The following KLHL28 variants were observed in gnomAD, a reference collection of about 807,000 sequenced individuals.
KLHL28 encodes the protein kelch like family member 28.
A neutral mutation model predicts 48.3 loss-of-function variants in KLHL28; 22 were observed. That is an observed-to-expected ratio of 0.46 (90% confidence interval 0.33 to 0.65). KLHL28 has a LOEUF of 0.65. Ranked by LOEUF, KLHL28 falls within the 30% of genes least tolerant of loss-of-function variation. The probability of loss-of-function intolerance (pLI) is 0.03; values close to 1 mark genes in which losing one functional copy is unlikely to be tolerated. For missense variants in KLHL28, 527 were observed against 704.3 expected, an observed-to-expected ratio of 0.75 and a Z score of 2.85; for synonymous variants, 243 against 242.4, an observed-to-expected ratio of 1.00 and a Z score of -0.02.
rs1012912084 is a variant in KLHL28, at chr14:44,926,509, T to C, written c.*2519A>G. 6.6e-6 allele frequency: 1 copy of C among 152,172 alleles called. No homozygotes were observed. Among genetic ancestry groups the C allele is most frequent in the East Asian group, 1.9e-4 (1 of 5,208 alleles). 9.4% of individuals were successfully genotyped at this position (152,172 alleles called of 1,614,324 possible). ...AGAATAGATGTGTTTATAATTAAAA[T>C]CTTTTTTTTTTTTTGAGGTGGAGTT... is the stretch of plus-strand genomic sequence containing the variant. On this transcript the variant is annotated 3_prime_UTR_variant, in exon 5 of 5. Coordinates refer to ENST00000396128, the MANE Select transcript of KLHL28 (RefSeq NM_017658.5).
At chr14:44,956,129 T>C (rs1475528968) in intron 1 of KLHL28, among the ~76,000 whole-genome samples, 1 of 152,152 alleles carries the variant, frequency 6.6e-6, no homozygotes. Context: ...TGAGTTTTTT[T>C]GTTTTTGTTT....
chr14:44,954,617 C>T (rs1318917478), intron 1 of KLHL28, among the ~76,000 whole-genome samples: 1 of 151,924 alleles, frequency 6.6e-6, no homozygotes, highest in East Asian at 1.9e-4. Context: ...GGGAAGATTA[C>T]AAACATACAT....
chr14:44,931,628 A>G, intron 3 of KLHL28, 87 bp from the exon 4 acceptor site: 1 of 923,680 alleles, frequency 1.1e-6, no homozygotes, highest in Non-Finnish European at 1.6e-6. Flanking sequence ...TACAGCTTTA[A>G]AAGTTCACAT....
At position 44,927,633 on chromosome 14, in the gene KLHL28, T is replaced by C. The variant is rs1305861616; in HGVS notation, c.*1395A>G. 6.6e-6 allele frequency: 1 copy of C among 152,626 alleles called. No homozygotes were observed. Among genetic ancestry groups the C allele is most frequent in the African/African-American group, 2.4e-5 (1 of 41,466 alleles). The allele number at this position is 152,626 out of a possible 1,614,324, so 9.5% of individuals were successfully genotyped here. A position where few individuals can be genotyped will look rare whatever the true frequency, so the allele number is the denominator to read the frequency against. ...TTAAACACTTTCTTTAAATAAGCTG[T>C]CACTGGCTACAGCAAACAATTTTGC... is the stretch of plus-strand genomic sequence containing the variant. On this transcript the variant is annotated 3_prime_UTR_variant, in exon 5 of 5. Transcript: ENST00000396128.
intron 1 of KLHL28, chr14:44,961,011 A>G (rs1040228638): frequency 1.5e-5 from 12 of 780,428 alleles, no homozygotes; most frequent in Middle Eastern, 3.4e-4. Flanking sequence ...AAAAAAAAAA[A>G]TATCTCTTCC....
chr14:44,945,682 C>T lies in KLHL28; in HGVS notation c.247G>A (p.Glu83Lys). Residue 83 changes from glutamate to lysine, a missense_variant, in exon 2 of 5, where the codon GAA (glutamate) becomes AAA (lysine). Transcript: ENST00000396128. Reference sequence around the variant, plus strand: ...TCCACAATGGCCTGGAGAGCAGTTTCATCAATGCATTGAAACTCAACCTCA... The same window carrying T: ...TCCACAATGGCCTGGAGAGCAGTTTTATCAATGCATTGAAACTCAACCTCA... ...NSEVEFQCIDETALQAIVEYA... is the reference protein window; with the variant it reads ...NSEVEFQCIDKTALQAIVEYA... 1 of 1,614,180 alleles carries T rather than the reference C, an allele frequency of 6.2e-7. No individual in the cohort carries two copies. The highest frequency in any genetic ancestry group is 2.2e-5 in the East Asian group (1 of 44,884).
At chr14:44,948,670 T>C (rs1182627824) in intron 1 of KLHL28, among the ~76,000 whole-genome samples, 2 of 152,094 alleles carry the variant, frequency 1.3e-5, no homozygotes, top group Admixed American at 6.6e-5. Flanking sequence ...TCCCATTCTT[T>C]CCCACAATGA....
chr14:44,960,148 T>TA (rs1370214526), intron 1 of KLHL28, among the ~76,000 whole-genome samples: 1 of 152,228 alleles, frequency 6.6e-6, no homozygotes, highest in African/African-American at 2.4e-5. Flanking sequence ...CACAGGGATC[T>TA]AAAAAAACAA....
intron 1 of KLHL28, among the ~76,000 whole-genome samples, chr14:44,950,623 C>G (rs546103820): frequency 6.6e-6 from 1 of 152,152 alleles, no homozygotes; most frequent in Admixed American, 6.5e-5. Flanking sequence ...GGCTTTGGTA[C>G]CAGGCTTCCC....
intron 2 of KLHL28, among the ~76,000 whole-genome samples, chr14:44,944,081 T>C (rs531174786): frequency 8.5e-4 from 129 of 152,278 alleles, no homozygotes; most frequent in Non-Finnish European, 1.4e-3. Flanking sequence ...GGAAAAGCAA[T>C]CTACCAAATT....
intron 3 of KLHL28, among the ~76,000 whole-genome samples, chr14:44,933,317 T>C (rs1302757942): frequency 7.2e-6 from 1 of 138,858 alleles, no homozygotes; most frequent in Non-Finnish European, 1.6e-5. Flanking sequence ...TTCTTTCTTT[T>C]TTTTTTTTTT....
chr14:44,960,156 C>T (rs1016741772), intron 1 of KLHL28, among the ~76,000 whole-genome samples: 6 of 152,058 alleles, frequency 3.9e-5, no homozygotes, highest in Non-Finnish European at 5.9e-5. Flanking sequence ...TCTAAAAAAA[C>T]AAGAATCAAA....
In KLHL28 at chr14:44,928,390, G is replaced by GC. The variant is rs1883444189; in HGVS notation, c.*637dup. 1 of 151,864 alleles carries GC rather than the reference G, an allele frequency of 6.6e-6. No homozygotes were observed. The highest frequency in any genetic ancestry group is 6.6e-5 in the Admixed American group (1 of 15,236). The allele number at this position is 151,864 out of a possible 1,614,324, so 9.4% of individuals were successfully genotyped here. ...TAAATATCTGATTTCCTAAAATAGG[G>GC]CCCCAAATATCATGATAATAAAAGC... On this transcript the variant is annotated 3_prime_UTR_variant, in exon 5 of 5. Transcript: ENST00000396128.
At chr14:44,941,440 T>TGGC (rs112323342) in intron 2 of KLHL28, among the ~76,000 whole-genome samples, 15,416 of 151,560 alleles carry the variant, frequency 0.1, 1,098 homozygotes, top group African/African-American at 0.2. Context: ...GAGACCAGCC[T>TGGC]CAGCATGGAG....
intron 1 of KLHL28, among the ~76,000 whole-genome samples, chr14:44,952,319 C>A (rs1329827280): frequency 6.6e-6 from 1 of 151,994 alleles, no homozygotes; most frequent in Non-Finnish European, 1.5e-5. Flanking sequence ...CATTTGGGAA[C>A]CTGCTAGAAA....
Position 44,934,303 on chromosome 14 carries a change from T to G in KLHL28, c.1155A>C (p.Ala385=). 1 of 1,614,188 alleles carries G rather than the reference T, an allele frequency of 6.2e-7. No individual in the cohort carries two copies. Among genetic ancestry groups the G allele is most frequent in the East Asian group, 2.2e-5 (1 of 44,882 alleles). ...SRSTLGVVVL[A]GELYALGGYD... ...AACCACCTAAGGCATAAAGTTCTCC[T>G]GCAAGTACTACTACTCCAAGAGTAC... is the stretch of plus-strand genomic sequence containing the variant. The change falls in exon 3 of 5, where the codon GCA becomes GCC. Residue 385 remains alanine (A), a synonymous_variant. Coordinates refer to ENST00000396128, the MANE Select transcript of KLHL28 (RefSeq NM_017658.5).
At chr14:44,941,308 A>T (rs1884063564) in intron 2 of KLHL28, among the ~76,000 whole-genome samples, 1 of 152,122 alleles carries the variant, frequency 6.6e-6, no homozygotes, top group African/African-American at 2.4e-5. Flanking sequence ...ACTGTAATGT[A>T]TCTACAGCAT....
At chr14:44,950,150 T>G (rs1884515738) in intron 1 of KLHL28, among the ~76,000 whole-genome samples, 1 of 152,160 alleles carries the variant, frequency 6.6e-6, no homozygotes, top group Non-Finnish European at 1.5e-5. Context: ...TTTTGAGGAT[T>G]AAACGAGTTT....
intron 1 of KLHL28, among the ~76,000 whole-genome samples, chr14:44,959,758 A>G (rs1003596295): frequency 6.6e-6 from 1 of 152,130 alleles, no homozygotes; most frequent in Non-Finnish European, 1.5e-5. Context: ...TGTATCCTTA[A>G]CCACTTCCTT....
Sources: gnomAD v4.1 joint callset for allele counts (sites outside exome capture counted in the v4.1 genomes callset) on GRCh38, gnomAD v4.1.1 for gene constraint, MANE v1.5 for transcripts, NCBI Gene and HGNC (gene_info 2026-07-23, HGNC 2026-07-21) for gene names.